Variants in DLC1 observed in about 807,000 individuals in gnomAD.
DLC1 encodes rho GTPase-activating protein 7.
A neutral mutation model predicts 140.3 loss-of-function variants in DLC1; 54 were observed. The observed-to-expected ratio is 0.38, with a 90% CI of 0.31 to 0.48. The LOEUF (loss-of-function observed/expected upper bound fraction) is 0.48, where lower values mean the gene tolerates loss of function less well. DLC1 is among the 20% of genes least tolerant of loss of function. The pLI is 0.96. For missense variants in DLC1, 2,536 were observed against 1,907.0 expected (o/e 1.33, Z -6.14); for synonymous variants, 986 against 728.1 (o/e 1.35, Z -5.70).
chr8:13,477,151 C>T (rs1365540501), intron 2 of DLC1, among the ~76,000 whole-genome samples: 1 of 152,096 alleles, frequency 6.6e-6, no homozygotes, highest in Non-Finnish European at 1.5e-5. Context: ...ATGCTCTCTG[C>T]CTTCAAAGAG....
chr8:13,307,081 C>CAAAAAAAAAAAAAAAAAAAAAAAA (rs34372620), intron 4 of DLC1, among the ~76,000 whole-genome samples: 1 of 70,148 alleles, frequency 1.4e-5, no homozygotes. Context: ...GAGACTCTGT[C>CAAAAAAAAAAAAAAAAAAAAAAAA]AAAAAAAAAA....
chr8:13,409,940 C>T (rs1837716534), intron 2 of DLC1, among the ~76,000 whole-genome samples: 1 of 152,020 alleles, frequency 6.6e-6, no homozygotes, highest in Non-Finnish European at 1.5e-5. Flanking sequence ...GTATTCATAG[C>T]ACAGCTAGGT....
intron 5 of DLC1, among the ~76,000 whole-genome samples, chr8:13,225,411 A>T (rs927920217): frequency 5.3e-5 from 8 of 152,066 alleles, no homozygotes; most frequent in Admixed American, 1.3e-4. Context: ...GGGAGGGCAA[A>T]TATCTCATTC....
chr8:13,395,343 G>A (rs746358942), intron 3 of DLC1, among the ~76,000 whole-genome samples: 1 of 152,024 alleles, frequency 6.6e-6, no homozygotes, highest in African/African-American at 2.4e-5. Flanking sequence ...GACTGGTCTC[G>A]AACTCCTCAC....
intron 1 of DLC1, among the ~76,000 whole-genome samples, chr8:13,590,821 C>G (rs1277157476): frequency 2.0e-5 from 3 of 152,018 alleles, no homozygotes; most frequent in Non-Finnish European, 4.4e-5. Context: ...AGTTTGTTTT[C>G]TATCAATGTA....
At chr8:13,196,812 G>C (rs1827087370) in intron 5 of DLC1, among the ~76,000 whole-genome samples, 1 of 152,164 alleles carries the variant, frequency 6.6e-6, no homozygotes. Context: ...TATAATCATG[G>C]CTTCAAATGA....
intron 1 of DLC1, among the ~76,000 whole-genome samples, chr8:13,589,406 A>G (rs1406653800): frequency 6.6e-6 from 1 of 152,136 alleles, no homozygotes; most frequent in Non-Finnish European, 1.5e-5. Context: ...AGAAAATTCT[A>G]GTAGACCTTT....
chr8:13,252,144 C>T (rs145671379), intron 5 of DLC1, among the ~76,000 whole-genome samples: 86 of 152,198 alleles, frequency 5.7e-4, no homozygotes, highest in African/African-American at 1.8e-3. Flanking sequence ...TCCTAAGTAA[C>T]ATTTTGATTA....
chr8:13,467,603 T>C (rs1377392811), intron 2 of DLC1, among the ~76,000 whole-genome samples: 1 of 152,054 alleles, frequency 6.6e-6, no homozygotes, highest in East Asian at 1.9e-4. Context: ...TGATGGTACG[T>C]GCCTATGGTC....
chr8:13,276,684 C>T, intron 5 of DLC1: 1 of 963,424 alleles, frequency 1.0e-6, no homozygotes, highest in East Asian at 5.5e-5. Context: ...CTGTGCAACC[C>T]AATGACTCAC....
chr8:13,257,365 G>T (rs59408918), intron 5 of DLC1, among the ~76,000 whole-genome samples: 2 of 151,018 alleles, frequency 1.3e-5, no homozygotes, highest in Non-Finnish European at 2.9e-5. Context: ...TGAGCCCCAG[G>T]GTTCAAGACT....
chr8:13,282,669 T>C (rs1014862046), intron 5 of DLC1, among the ~76,000 whole-genome samples: 3 of 152,174 alleles, frequency 2.0e-5, no homozygotes, highest in South Asian at 4.1e-4. Context: ...TTTTTCACCA[T>C]GTAAAATTAC....
chr8:13,303,663 G>A (rs766508851), intron 5 of DLC1, among the ~76,000 whole-genome samples: 107 of 152,174 alleles, frequency 7.0e-4, no homozygotes, highest in Non-Finnish European at 1.2e-3. Context: ...TTAGCCTGGT[G>A]TGGTGGCGCA....
intron 5 of DLC1, among the ~76,000 whole-genome samples, chr8:13,167,364 C>T (rs1296263681): frequency 6.6e-6 from 1 of 152,100 alleles, no homozygotes; most frequent in African/African-American, 2.4e-5. Context: ...CTTTAGTAAG[C>T]GACTCTGATT....
chr8:13,126,683 C>A (rs527326457), intron 5 of DLC1, among the ~76,000 whole-genome samples: 16 of 152,210 alleles, frequency 1.1e-4, no homozygotes, highest in South Asian at 4.1e-4. Context: ...GGTTACAAAC[C>A]TAGAGTAACC....
rs757511457 is a variant in DLC1, at chr8:13,086,504, T to C, written c.4293-41A>G. On this transcript the variant is annotated intron_variant, in intron 16 of 17. Transcript: ENST00000276297. ...CAGAGGCAGAAATGATGGAATTTCA[T>C]AGAAGCCAAGTTTAAAATCGTGCTT... The C allele has an allele frequency of 1.1e-5, 17 of 1,600,336 alleles. No homozygotes were observed. In the East Asian group the frequency reaches 1.3e-4, roughly 13 times the overall value.
At chr8:13,181,159 C>G (rs28366767) in intron 5 of DLC1, among the ~76,000 whole-genome samples, 40,162 of 151,648 alleles carry the variant, frequency 0.26, 5,972 homozygotes, top group African/African-American at 0.39. Flanking sequence ...GAAAAGAAAC[C>G]CAGGAACAAA....
intron 2 of DLC1, among the ~76,000 whole-genome samples, chr8:13,414,140 A>G (rs1262746894): frequency 6.6e-6 from 1 of 152,146 alleles, no homozygotes; most frequent in Admixed American, 6.5e-5. Context: ...TTTATAATAT[A>G]TTTTTCATAT....
intron 6 of DLC1, among the ~76,000 whole-genome samples, chr8:13,111,485 T>G (rs372866350): frequency 1.3e-5 from 2 of 152,306 alleles, no homozygotes; most frequent in South Asian, 2.1e-4. Context: ...GTTCATTCAG[T>G]TCTCTCGAGA....
Sources: allele counts gnomAD v4.1 joint callset (sites outside exome capture counted in the v4.1 genomes callset), GRCh38; gene constraint gnomAD v4.1.1; transcripts MANE v1.5; gene names NCBI Gene and HGNC (gene_info 2026-07-23, HGNC 2026-07-21).